NTRK2: variants seen among roughly 807,000 people sequenced by gnomAD.
The protein encoded by NTRK2 is neurotrophic receptor tyrosine kinase 2.
NTRK2 carries 13 observed loss-of-function variants against 94.5 expected under a neutral mutation model. The ratio of observed to expected loss-of-function variants is 0.14; its 90% confidence interval spans 0.09 to 0.22. The LOEUF is 0.22. Ranked by LOEUF, NTRK2 falls within the 10% of genes least tolerant of loss-of-function variation. NTRK2 has a pLI of 1.00. For synonymous variants in NTRK2, 372 were observed against 407.4 expected, an observed-to-expected ratio of 0.91 and a Z score of 1.05; for missense variants, 639 against 1,071.2, an observed-to-expected ratio of 0.60 and a Z score of 5.63.
intron 17 of NTRK2, among the ~76,000 whole-genome samples, chr9:84,968,430 G>A (rs1825815523): frequency 6.6e-6 from 1 of 152,162 alleles, no homozygotes; most frequent in Non-Finnish European, 1.5e-5. Context: ...AGAAGAAAAG[G>A]GATACTCCAA....
rs1279802430 is a variant in NTRK2, at chr9:84,960,105, A to G, written c.2172+4588A>G. Among the ~76,000 whole-genome samples, 3 of 152,248 alleles carry G rather than the reference A, an allele frequency of 2.0e-5. No homozygotes were observed. In the East Asian group the frequency reaches 5.8e-4, roughly 29 times the overall value. On this transcript the variant is annotated intron_variant, in intron 17 of 18. Coordinates refer to ENST00000277120, the MANE Select transcript of NTRK2 (RefSeq NM_006180.6). ...GCAAAGTGATTTATAGTAGACATTT[A>G]CAGAAACAAATGAATATAACTTGGC...
intron 2 of NTRK2, among the ~76,000 whole-genome samples, chr9:84,690,285 C>A (rs1043321819): frequency 6.6e-6 from 1 of 152,156 alleles, no homozygotes; most frequent in Admixed American, 6.5e-5. Flanking sequence ...TTTCTCTTTG[C>A]CATGCTTGAC....
At chr9:84,706,552 C>T (rs541620139) in intron 4 of NTRK2, among the ~76,000 whole-genome samples, 39 of 58,446 alleles carry the variant, frequency 6.7e-4, no homozygotes, top group Non-Finnish European at 1.1e-3. Flanking sequence ...TTTTTTGAGA[C>T]GGAGTCTTGC....
chr9:84,962,574 T>A (rs1825076896), intron 17 of NTRK2, among the ~76,000 whole-genome samples: 1 of 152,152 alleles, frequency 6.6e-6, no homozygotes. Flanking sequence ...CAGAAATTAG[T>A]TATGCTTCCA....
chr9:84,872,110 C>G (rs78622123), intron 14 of NTRK2: 2 of 1,312,530 alleles, frequency 1.5e-6, no homozygotes, highest in African/African-American at 3.0e-5. Context: ...AACATCAAGT[C>G]TGGAGTTGGT....
chr9:84,900,948 A>G (rs563324515), intron 14 of NTRK2, among the ~76,000 whole-genome samples: 6 of 152,344 alleles, frequency 3.9e-5, no homozygotes, highest in Admixed American at 1.3e-4. Context: ...GGCAGGAGGT[A>G]AGGAGCCGGT....
At chr9:84,847,261 C>T (rs2074517233) in intron 12 of NTRK2, among the ~76,000 whole-genome samples, 2 of 152,148 alleles carry the variant, frequency 1.3e-5, no homozygotes, top group South Asian at 2.1e-4. Flanking sequence ...GAATGTGGTA[C>T]CCATTCACTC....
chr9:84,815,410 C>G (rs199519262), intron 12 of NTRK2: 1 of 1,042,044 alleles, frequency 9.6e-7, no homozygotes, highest in Non-Finnish European at 1.2e-6. Context: ...TAAACACATA[C>G]AAAGTAACAA....
intron 6 of NTRK2, among the ~76,000 whole-genome samples, chr9:84,721,869 C>CAA (rs2062089427): frequency 6.6e-6 from 1 of 152,064 alleles, no homozygotes; most frequent in South Asian, 2.1e-4. Context: ...TTTTGAAAAA[C>CAA]AAAATTAAGT....
At chr9:84,675,602 G>T (rs2059002930) in intron 2 of NTRK2, among the ~76,000 whole-genome samples, 1 of 151,944 alleles carries the variant, frequency 6.6e-6, no homozygotes, top group Non-Finnish European at 1.5e-5. Context: ...AGGAGGATTT[G>T]GGGGAGAGAC....
intron 4 of NTRK2, among the ~76,000 whole-genome samples, chr9:84,706,489 G>A (rs918791840): frequency 2.8e-4 from 41 of 145,550 alleles, no homozygotes; most frequent in Non-Finnish European, 3.4e-4. Flanking sequence ...CAGGATCACT[G>A]TCACCCTCAG....
chr9:84,942,712 T>A (rs188366180), intron 15 of NTRK2, among the ~76,000 whole-genome samples: 31 of 152,236 alleles, frequency 2.0e-4, no homozygotes, highest in African/African-American at 6.7e-4. Context: ...ATTATTAATA[T>A]AAAATATTAA....
chr9:84,947,202 C>T (rs1365543918), intron 15 of NTRK2, among the ~76,000 whole-genome samples: 1 of 152,058 alleles, frequency 6.6e-6, no homozygotes. Context: ...GTGATCTGCC[C>T]GCCTCAGCCT....
intron 17 of NTRK2, among the ~76,000 whole-genome samples, chr9:84,987,213 C>T (rs560488004): frequency 6.6e-6 from 1 of 152,250 alleles, no homozygotes; most frequent in South Asian, 2.1e-4. Context: ...GTTAATTGAG[C>T]ACCATTAGCT....
chr9:84,874,648 A>T (rs1474366358), intron 14 of NTRK2: 2 of 1,061,700 alleles, frequency 1.9e-6, no homozygotes, highest in Non-Finnish European at 2.3e-6. Context: ...GCTACTTCTT[A>T]GTTCAACCTG....
chr9:84,931,727 A>AC (rs1469096464), intron 14 of NTRK2, among the ~76,000 whole-genome samples: 2 of 151,626 alleles, frequency 1.3e-5, no homozygotes, highest in Admixed American at 1.3e-4. Context: ...AAAAAAAAAA[A>AC]AAACAAAAAA....
chr9:84,692,903 G>A (rs2060137191), intron 2 of NTRK2, among the ~76,000 whole-genome samples: 2 of 152,194 alleles, frequency 1.3e-5, no homozygotes, highest in Admixed American at 6.5e-5. Context: ...AGTCTCTTAT[G>A]AGCAAGAATT....
chr9:84,711,939 T>TA (rs1430623156), intron 6 of NTRK2, among the ~76,000 whole-genome samples: 1 of 152,272 alleles, frequency 6.6e-6, no homozygotes, highest in Non-Finnish European at 1.5e-5. Context: ...AGCTAACACT[T>TA]AAAAAATAAA....
intron 12 of NTRK2, among the ~76,000 whole-genome samples, chr9:84,842,084 A>G (rs779755016): frequency 6.6e-6 from 1 of 152,218 alleles, no homozygotes; most frequent in Non-Finnish European, 1.5e-5. Flanking sequence ...AGCAGTGTGA[A>G]TGACTCTGGA....
Sources: gnomAD v4.1 joint callset for allele counts (sites outside exome capture counted in the v4.1 genomes callset) on GRCh38, gnomAD v4.1.1 for gene constraint, MANE v1.5 for transcripts, NCBI Gene and HGNC (gene_info 2026-07-23, HGNC 2026-07-21) for gene names.